Variants in FA2H observed in about 807,000 individuals in gnomAD.
FA2H encodes the protein fatty acid 2-hydroxylase, also known as fatty acid alpha-hydroxylase.
In FA2H, 22 loss-of-function variants were observed where a neutral mutation model predicts 44.9. The ratio of observed to expected loss-of-function variants is 0.49; its 90% CI spans 0.35 to 0.70. The LOEUF is 0.70. Among genes scored for constraint, FA2H ranks in the 30% least tolerant of loss-of-function variants. The pLI is 0.01. For missense variants in FA2H, 501 were observed against 504.9 expected (o/e 0.99, Z 0.07); for synonymous variants, 243 against 213.2 (o/e 1.14, Z -1.22).
chr16:74,756,421 A>C (rs1962614102), intron 1 of FA2H, among the ~76,000 whole-genome samples: 1 of 152,134 alleles, frequency 6.6e-6, no homozygotes, highest in Non-Finnish European at 1.5e-5. Flanking sequence ...GGGTTTCTCC[A>C]AAGTGGCTTC....
At chr16:74,764,428 T>C (rs145397607) in intron 1 of FA2H, among the ~76,000 whole-genome samples, 128 of 152,292 alleles carry the variant, frequency 8.4e-4, no homozygotes, top group African/African-American at 2.9e-3. Context: ...GGAATATGGA[T>C]GGAGCTGGAA....
chr16:74,721,074 C>T (rs1961825254), intron 4 of FA2H, among the ~76,000 whole-genome samples: 1 of 152,178 alleles, frequency 6.6e-6, no homozygotes, highest in African/African-American at 2.4e-5. Context: ...CTCTTGGGTA[C>T]AAGCCCAGGA....
chr16:74,721,686 T>G (rs35195349), intron 4 of FA2H, among the ~76,000 whole-genome samples: 10,962 of 152,242 alleles, frequency 0.072, 524 homozygotes, highest in Non-Finnish European at 0.11. Flanking sequence ...CCCTCCCCAC[T>G]GCCCTTGAAC....
rs1962891063 is a variant in FA2H, at chr16:74,770,773, T to C, written c.270+3713A>G. 2.6e-5 allele frequency among the ~76,000 whole-genome samples: 4 copies of C among 152,212 alleles called. No homozygotes were observed. In the South Asian group the frequency reaches 8.3e-4, roughly 31 times the overall value. ...TGGAGGGCTGGGCTAGTGTGACCATTGTCAAGTTTGGGCTATGCGTCTGCA... is the reference window on the plus strand; with the variant it reads ...TGGAGGGCTGGGCTAGTGTGACCATCGTCAAGTTTGGGCTATGCGTCTGCA... On this transcript the variant is annotated intron_variant, in intron 1 of 6. Coordinates refer to ENST00000219368, the MANE Select transcript of FA2H (RefSeq NM_024306.5).
intron 1 of FA2H, among the ~76,000 whole-genome samples, chr16:74,760,191 G>A (rs1317079894): frequency 6.6e-6 from 1 of 152,138 alleles, no homozygotes; most frequent in Admixed American, 6.5e-5. Context: ...CTGCAGCTGA[G>A]CCACACACCA....
At chr16:74,769,653 T>C (rs866867341) in intron 1 of FA2H, among the ~76,000 whole-genome samples, 2 of 152,302 alleles carry the variant, frequency 1.3e-5, no homozygotes, top group African/African-American at 2.4e-5. Context: ...CACAGTAATA[T>C]AGCCTGGGAA....
chr16:74,747,339 A>AT (rs1384983393), intron 1 of FA2H, among the ~76,000 whole-genome samples: 1 of 151,566 alleles, frequency 6.6e-6, no homozygotes, highest in Non-Finnish European at 1.5e-5. Flanking sequence ...AATAAGAAAG[A>AT]AAGAAAGAAA....
intron 1 of FA2H, among the ~76,000 whole-genome samples, chr16:74,761,900 A>T (rs950870713): frequency 1.7e-4 from 26 of 152,362 alleles, no homozygotes; most frequent in Non-Finnish European, 2.9e-4. Flanking sequence ...CAATGAATGA[A>T]GGAAGAAGCC....
At chr16:74,761,173 C>T (rs750594234) in intron 1 of FA2H, among the ~76,000 whole-genome samples, 7 of 152,202 alleles carry the variant, frequency 4.6e-5, no homozygotes, top group South Asian at 2.1e-4. Flanking sequence ...TAGATAGGGT[C>T]GGGCGCGGTG....
chr16:74,774,626 G>T lies in FA2H; in HGVS notation c.130C>A (p.Pro44Thr). The T allele has an allele frequency of 6.6e-7, 1 of 1,516,280 alleles. No individual in the cohort carries two copies. 93.9% of individuals were successfully genotyped at this position (1,516,280 alleles called of 1,614,324 possible). ...GCCCGCAGCAGCTGCTCGCCCCCCGGGTGGTGCCGCACGAAGCTGGAGAGG... is the reference window on the plus strand; with the variant it reads ...GCCCGCAGCAGCTGCTCGCCCCCCGTGTGGTGCCGCACGAAGCTGGAGAGG... ...YDLSSFVRHH[P>T]GGEQLLRARA... The change falls in exon 1 of 7, where the codon CCG (proline) becomes ACG (threonine). Residue 44 changes from proline to threonine, a missense_variant. Physicochemically the swap from Pro to Thr is conservative, Grantham distance 38. Coordinates refer to ENST00000219368, the MANE Select transcript of FA2H (RefSeq NM_024306.5).
chr16:74,719,514 C>T lies in FA2H; in HGVS notation c.614-354G>A, dbSNP rs1300581161. On this transcript the variant is annotated intron_variant, in intron 4 of 6. Coordinates refer to ENST00000219368, the MANE Select transcript of FA2H (RefSeq NM_024306.5). ...AGAAGGCGACACTCCTGAGCCAGGG[C>T]GTTGTTATTATTATCTTGAGACAAG... is the stretch of plus-strand genomic sequence containing the variant. Among the ~76,000 whole-genome samples the T allele has an allele frequency of 3.3e-5, 5 of 151,868 alleles. No individual in the cohort carries two copies. In the South Asian group the frequency reaches 6.2e-4, roughly 19 times the overall value.
At chr16:74,718,958 A>G (rs1166568781) in intron 5 of FA2H, 30 bp downstream of exon 5, 1 of 1,611,244 alleles carries the variant, frequency 6.2e-7, no homozygotes, top group African/African-American at 1.3e-5. Flanking sequence ...TGCACATGCT[A>G]GGTCCGGGCT....
chr16:74,737,378 C>G (rs1816339662), intron 2 of FA2H, among the ~76,000 whole-genome samples: 1 of 152,178 alleles, frequency 6.6e-6, no homozygotes, highest in African/African-American at 2.4e-5. Flanking sequence ...CCCTGCCTGG[C>G]TGGGTGACTG....
At chr16:74,727,730 C>CA (rs1961989630) in intron 2 of FA2H, among the ~76,000 whole-genome samples, 1 of 152,196 alleles carries the variant, frequency 6.6e-6, no homozygotes, top group Non-Finnish European at 1.5e-5. Flanking sequence ...ATGGCCAAAC[C>CA]AAGAGCTAGA....
intron 1 of FA2H, among the ~76,000 whole-genome samples, chr16:74,771,426 A>G (rs1159782078): frequency 6.6e-6 from 1 of 151,890 alleles, no homozygotes; most frequent in African/African-American, 2.4e-5. Context: ...CCTGACCTCA[A>G]GTGATCAGCC....
At chr16:74,744,264 C>A (rs78256860) in intron 1 of FA2H, among the ~76,000 whole-genome samples, 9,748 of 152,044 alleles carry the variant, frequency 0.064, 323 homozygotes, top group Non-Finnish European at 0.075. Context: ...TAGGGTACAA[C>A]CCCAGCTTTA....
intron 1 of FA2H, among the ~76,000 whole-genome samples, chr16:74,752,258 G>A (rs976471206): frequency 6.6e-6 from 1 of 152,132 alleles, no homozygotes; most frequent in African/African-American, 2.4e-5. Context: ...ATGGCAGCCA[G>A]AGCTAACTGA....
intron 1 of FA2H, among the ~76,000 whole-genome samples, chr16:74,745,403 C>T (rs927718217): frequency 1.3e-5 from 2 of 152,230 alleles, no homozygotes; most frequent in Non-Finnish European, 2.9e-5. Flanking sequence ...CTCTGAGAGC[C>T]CTCCCCAACC....
chr16:74,723,659 A>T (rs545586294), intron 4 of FA2H, among the ~76,000 whole-genome samples: 1 of 152,258 alleles, frequency 6.6e-6, no homozygotes, highest in African/African-American at 2.4e-5. Context: ...GGTTGGTGAG[A>T]GACCCTGCTT....
Sources: gnomAD v4.1 joint callset for allele counts (sites outside exome capture counted in the v4.1 genomes callset) on GRCh38, gnomAD v4.1.1 for gene constraint, MANE v1.5 for transcripts, NCBI Gene and HGNC (gene_info 2026-07-23, HGNC 2026-07-21) for gene names.